Variants in SCG3 observed in about 807,000 individuals in gnomAD.
SCG3 encodes the protein secretogranin-3.
In SCG3, 38 loss-of-function variants were observed where a neutral mutation model predicts 56.2. The ratio of observed to expected loss-of-function variants is 0.68; its 90% CI spans 0.52 to 0.89. The LOEUF is 0.89. SCG3 is among the 40% of genes least tolerant of loss of function. The probability of loss-of-function intolerance (pLI) is 0.00; values close to 1 mark genes in which losing one functional copy is unlikely to be tolerated. For synonymous variants in SCG3, 176 were observed against 184.2 expected (o/e 0.96, Z 0.36); for missense variants, 524 against 540.7 (o/e 0.97, Z 0.31).
intron 5 of SCG3, among the ~76,000 whole-genome samples, chr15:51,688,892 T>C (rs573858391): frequency 6.6e-6 from 1 of 152,176 alleles, no homozygotes; most frequent in South Asian, 2.1e-4. Context: ...AGATGCTAAT[T>C]TTGTAGGATG....
chr15:51,693,364 A>G (rs2055280794), intron 7 of SCG3: 1 of 152,228 alleles, frequency 6.6e-6, no homozygotes, highest in African/African-American at 2.4e-5. Flanking sequence ...TTAACTTCAG[A>G]GTTAAAATGG....
chr15:51,702,438 A>G (rs1405971509), intron 10 of SCG3, among the ~76,000 whole-genome samples: 1 of 151,886 alleles, frequency 6.6e-6, no homozygotes, highest in African/African-American at 2.4e-5. Flanking sequence ...TGTATTTTTC[A>G]TAGAGATGGG....
intron 8 of SCG3, among the ~76,000 whole-genome samples, chr15:51,697,382 T>C (rs537978421): frequency 1.3e-5 from 2 of 152,364 alleles, no homozygotes; most frequent in African/African-American, 2.4e-5. Context: ...GCAAGGCAGA[T>C]ATTCCCACTA....
chr15:51,719,770 T>C lies in SCG3; in HGVS notation c.*244T>C. ...ATCCTTATTTCCTCATAGACTTATA[T>C]TTTATAATCAGAATATGTTGCTTTG... On this transcript the variant is annotated 3_prime_UTR_variant, in exon 12 of 12. Coordinates refer to ENST00000220478, the MANE Select transcript of SCG3 (RefSeq NM_013243.4). 1 of 471,206 alleles carries C rather than the reference T, an allele frequency of 2.1e-6. No individual in the cohort carries two copies. The highest frequency in any genetic ancestry group is 3.8e-6 in the Non-Finnish European group (1 of 265,832). The allele number at this position is 471,206 out of a possible 1,614,324, so 29.2% of individuals were successfully genotyped here. A position where few individuals can be genotyped will look rare whatever the true frequency, so the allele number is the denominator to read the frequency against.
intron 7 of SCG3, 110 bp downstream of exon 7, chr15:51,692,446 C>A: frequency 3.0e-6 from 3 of 1,001,954 alleles, no homozygotes; most frequent in Non-Finnish European, 2.9e-6. Context: ...TCTCCAATGA[C>A]ATACACTGTG....
At chr15:51,700,844 TG>T (rs1193914742) in intron 9 of SCG3, among the ~76,000 whole-genome samples, 1 of 16,260 alleles carries the variant, frequency 6.2e-5, no homozygotes, top group Non-Finnish European at 1.1e-4. Context: ...TTCAGAAAGC[TG>T]GGGTGGGGTG....
At chr15:51,707,768 A>C (rs571766623) in intron 10 of SCG3, among the ~76,000 whole-genome samples, 2 of 152,236 alleles carry the variant, frequency 1.3e-5, no homozygotes, top group South Asian at 4.1e-4. Flanking sequence ...TGAATCTCAC[A>C]GCTCCGTGGC....
intron 11 of SCG3, among the ~76,000 whole-genome samples, chr15:51,715,943 C>T (rs1025108698): frequency 3.9e-5 from 6 of 152,120 alleles, no homozygotes; most frequent in Admixed American, 2.6e-4. Context: ...CTGCGAGCTC[C>T]GCCTCCAGGG....
intron 8 of SCG3, among the ~76,000 whole-genome samples, chr15:51,698,915 T>C (rs908027768): frequency 6.6e-6 from 1 of 152,222 alleles, no homozygotes; most frequent in Non-Finnish European, 1.5e-5. Flanking sequence ...TCTTGAGTTA[T>C]TCTACCACCA....
At chr15:51,709,486 T>A (rs2055397826) in intron 10 of SCG3, among the ~76,000 whole-genome samples, 1 of 151,558 alleles carries the variant, frequency 6.6e-6, no homozygotes, top group Non-Finnish European at 1.5e-5. Flanking sequence ...AATAGAATTC[T>A]ATGAAGAATA....
chr15:51,697,732 A>G (rs189500831), intron 8 of SCG3, among the ~76,000 whole-genome samples: 2 of 152,350 alleles, frequency 1.3e-5, no homozygotes, highest in African/African-American at 2.4e-5. Context: ...TTAAATAATT[A>G]TATCTGCTCC....
At position 51,720,478 on chromosome 15, in the gene SCG3, G is replaced by C. The variant is rs1420247768; in HGVS notation, c.*952G>C. 6.6e-6 allele frequency: 1 copy of C among 152,216 alleles called. No individual in the cohort carries two copies. Among genetic ancestry groups the C allele is most frequent in the African/African-American group, 2.4e-5 (1 of 41,434 alleles). 9.4% of individuals were successfully genotyped at this position (152,216 alleles called of 1,614,324 possible). Reference sequence around the variant, plus strand: ...GCCCTGGAAACATACAGTGGCGCAAGGTCCTCTTGAAATGTTAATGGTTAA... The same window carrying C: ...GCCCTGGAAACATACAGTGGCGCAACGTCCTCTTGAAATGTTAATGGTTAA... On this transcript the variant is annotated 3_prime_UTR_variant, in exon 12 of 12. Coordinates refer to ENST00000220478, the MANE Select transcript of SCG3 (RefSeq NM_013243.4).
At chr15:51,705,532 T>G (rs2055369782) in intron 10 of SCG3, among the ~76,000 whole-genome samples, 1 of 151,848 alleles carries the variant, frequency 6.6e-6, no homozygotes, top group African/African-American at 2.4e-5. Flanking sequence ...CTTTTTTTTT[T>G]TTTTCCCGAG....
At chr15:51,685,270 C>T (rs2055221201) in intron 4 of SCG3, among the ~76,000 whole-genome samples, 1 of 152,150 alleles carries the variant, frequency 6.6e-6, no homozygotes, top group Admixed American at 6.5e-5. Context: ...TAACTGCATA[C>T]AAAACAGATT....
At chr15:51,695,625 G>C in intron 7 of SCG3, 2 of 335,882 alleles carry the variant, frequency 6.0e-6, no homozygotes, top group East Asian at 1.1e-4. Flanking sequence ...GGGTGTGGTG[G>C]TGTTTACCTA....
intron 5 of SCG3, among the ~76,000 whole-genome samples, chr15:51,688,762 A>C (rs1024482288): frequency 7.9e-5 from 12 of 152,212 alleles, no homozygotes; most frequent in Non-Finnish European, 1.5e-4. Flanking sequence ...GTATGTGACA[A>C]AAAAAGAAAT....
At chr15:51,698,649 A>C (rs1224134826) in intron 8 of SCG3, among the ~76,000 whole-genome samples, 1 of 152,218 alleles carries the variant, frequency 6.6e-6, no homozygotes, top group Non-Finnish European at 1.5e-5. Context: ...GAATTCCACC[A>C]ACAGTGTGAG....
intron 5 of SCG3, 37 bp downstream of exon 5, chr15:51,688,439 T>G (rs1447788031): frequency 6.2e-7 from 1 of 1,601,734 alleles, no homozygotes; most frequent in Admixed American, 1.7e-5. Context: ...AAATTCCTAG[T>G]GCAGTTTAGA....
intron 2 of SCG3, 73 bp from the exon 3 acceptor site, chr15:51,683,006 C>G: frequency 8.5e-7 from 1 of 1,181,584 alleles, no homozygotes. Context: ...GAGATTAAAT[C>G]ATTTGGCTCT....
Sources: allele counts gnomAD v4.1 joint callset (sites outside exome capture counted in the v4.1 genomes callset), GRCh38; gene constraint gnomAD v4.1.1; transcripts MANE v1.5; gene names NCBI Gene and HGNC (gene_info 2026-07-23, HGNC 2026-07-21).